The following REEP3 variants were observed in gnomAD, a reference collection of about 807,000 sequenced individuals.
REEP3 encodes the protein receptor accessory protein 3.
A neutral mutation model predicts 41.3 loss-of-function variants in REEP3; 20 were observed. That is an observed-to-expected ratio of 0.48 (90% CI 0.34 to 0.70). REEP3 has a LOEUF of 0.70. Ranked by LOEUF, REEP3 falls within the 30% of genes least tolerant of loss-of-function variation. The probability of loss-of-function intolerance (pLI) is 0.01; values close to 1 mark genes in which losing one functional copy is unlikely to be tolerated. For synonymous variants in REEP3, 104 were observed against 101.8 expected (o/e 1.02, Z -0.13); for missense variants, 271 against 308.8 (o/e 0.88, Z 0.92).
intron 1 of REEP3, among the ~76,000 whole-genome samples, chr10:63,527,595 C>T (rs1299392344): frequency 6.6e-6 from 1 of 151,984 alleles, no homozygotes; most frequent in Non-Finnish European, 1.5e-5. Flanking sequence ...GTGGGAGAAT[C>T]ACTTGAGCCT....
At chr10:63,604,920 G>A (rs1272388230) in intron 5 of REEP3, among the ~76,000 whole-genome samples, 1 of 152,120 alleles carries the variant, frequency 6.6e-6, no homozygotes, top group Non-Finnish European at 1.5e-5. Context: ...TAAAACAGTG[G>A]TTCTCAACTA....
rs71025187 is a variant in REEP3, at chr10:63,533,710, C to CTTTTTTTTTTTTTTTTTTTTTTTTTTTTT, written c.32+12148_32+12149insTTTTTTTTTTTTTTTTTTTTTTTTTTTTT. 1.2e-3 allele frequency among the ~76,000 whole-genome samples: 119 copies of CTTTTTTTTTTTTTTTTTTTTTTTTTTTTT among 101,122 alleles called. 33 individuals are homozygous for CTTTTTTTTTTTTTTTTTTTTTTTTTTTTT. The highest frequency in any genetic ancestry group is 5.7e-3 in the Middle Eastern group (1 of 176). 66.3% of individuals were successfully genotyped at this position (101,122 alleles called of 152,430 possible). On this transcript the variant is annotated intron_variant, in intron 1 of 7. Transcript: ENST00000373758. ...GAAAGAGCCTTGGAAGTATGTAAAT[C>CTTTTTTTTTTTTTTTTTTTTTTTTTTTTT]TTTTTTTTTTTTTTTGAGACGGAGT...
intron 2 of REEP3, among the ~76,000 whole-genome samples, chr10:63,593,036 G>A (rs891344554): frequency 6.6e-6 from 1 of 151,844 alleles, no homozygotes; most frequent in African/African-American, 2.4e-5. Context: ...GGGAGGGGCC[G>A]GGCGCGGTGG....
chr10:63,597,180 C>T (rs957013341), intron 3 of REEP3, among the ~76,000 whole-genome samples: 1 of 152,140 alleles, frequency 6.6e-6, no homozygotes, highest in African/African-American at 2.4e-5. Context: ...CACTGTAACA[C>T]TTTGTATTTT....
chr10:63,609,099 G>A (rs551186844), intron 5 of REEP3, among the ~76,000 whole-genome samples: 1 of 152,292 alleles, frequency 6.6e-6, no homozygotes, highest in African/African-American at 2.4e-5. Flanking sequence ...TCTAGGAAGA[G>A]CCGTTACCAG....
At chr10:63,579,901 A>G (rs1227894085) in intron 2 of REEP3, among the ~76,000 whole-genome samples, 1 of 152,112 alleles carries the variant, frequency 6.6e-6, no homozygotes, top group East Asian at 1.9e-4. Flanking sequence ...TACCACCCTC[A>G]CTGCAGGGAG....
chr10:63,611,794 T>A (rs923667024), intron 6 of REEP3, among the ~76,000 whole-genome samples: 6 of 151,676 alleles, frequency 4.0e-5, no homozygotes, highest in African/African-American at 1.5e-4. Flanking sequence ...AATTTTTTTT[T>A]TTTTTATTAG....
At chr10:63,562,018 G>A (rs1335295443) in intron 1 of REEP3, among the ~76,000 whole-genome samples, 6 of 152,102 alleles carry the variant, frequency 3.9e-5, no homozygotes, top group Admixed American at 6.6e-5. Flanking sequence ...TAGTGTCAGC[G>A]GTGTGGATGA....
chr10:63,609,773 A>C (rs1338072467), intron 5 of REEP3, among the ~76,000 whole-genome samples: 1 of 152,042 alleles, frequency 6.6e-6, no homozygotes, highest in Non-Finnish European at 1.5e-5. Context: ...ATAAATAAAT[A>C]AATAAATATA....
At chr10:63,584,943 T>C (rs998466506) in intron 2 of REEP3, among the ~76,000 whole-genome samples, 2 of 152,234 alleles carry the variant, frequency 1.3e-5, no homozygotes, top group South Asian at 2.1e-4. Flanking sequence ...ATTTACTTAG[T>C]ATGGTTTTAA....
rs1438048675 is a variant in REEP3 at position 63,525,444 on chromosome 10, G to A, written c.32+3867G>A. On this transcript the variant is annotated intron_variant, in intron 1 of 7. Transcript: ENST00000373758. Reference sequence around the variant, plus strand: ...TTACTTTTTTTTTTTTTGAGACGGAGTTTTTCTCTTGGTGTACAGGCTAGA... The same window carrying A: ...TTACTTTTTTTTTTTTTGAGACGGAATTTTTCTCTTGGTGTACAGGCTAGA... 4.0e-5 allele frequency among the ~76,000 whole-genome samples: 6 copies of A among 151,538 alleles called. No individual in the cohort carries two copies. The East Asian group carries it at 1.2e-3, about 29-fold the overall frequency.
chr10:63,559,208 C>G (rs547064123), intron 1 of REEP3, among the ~76,000 whole-genome samples: 1 of 152,202 alleles, frequency 6.6e-6, no homozygotes, highest in South Asian at 2.1e-4. Flanking sequence ...AAGAAAATTT[C>G]AGGGGAAAGT....
intron 2 of REEP3, among the ~76,000 whole-genome samples, chr10:63,589,708 A>T (rs150229709): frequency 2.0e-5 from 3 of 150,006 alleles, no homozygotes; most frequent in Non-Finnish European, 4.5e-5. Flanking sequence ...TCCCTTTAGT[A>T]AGCTTTCCTC....
chr10:63,534,019 A>G (rs1373976188), intron 1 of REEP3, among the ~76,000 whole-genome samples: 1 of 152,024 alleles, frequency 6.6e-6, no homozygotes, highest in African/African-American at 2.4e-5. Flanking sequence ...GGAAGTATGT[A>G]AATCTTAAAG....
intron 1 of REEP3, chr10:63,562,722 AAACT>A (rs1589868007): frequency 2.3e-6 from 1 of 426,196 alleles, no homozygotes; most frequent in African/African-American, 2.0e-5. Context: ...ATTGGTAAAC[AAACT>A]AACTATAAAT....
Position 63,610,288 on chromosome 10 carries a change from A to G in REEP3, c.519A>G (p.Leu173=). 1 of 1,574,278 alleles carries G rather than the reference A, an allele frequency of 6.4e-7. No individual in the cohort carries two copies. Among genetic ancestry groups the G allele is most frequent in the Non-Finnish European group, 8.6e-7 (1 of 1,158,078 alleles). The change falls in exon 6 of 8, where the codon CTA becomes CTG. Residue 173 remains leucine, a synonymous_variant. Coordinates refer to ENST00000373758, the MANE Select transcript of REEP3 (RefSeq NM_001001330.3). ...EPVGQRPYQP[L]PEAKKKSKPA... is the part of the protein sequence containing the mutation. The stretch of plus-strand genomic sequence containing the variant: ...TGGGACAAAGACCATACCAACCTCT[A>G]CCAGAAGCAAAAAAGAAAAGTAAAC...
At chr10:63,589,805 TTTTTTTG>T (rs1320397235) in intron 2 of REEP3, among the ~76,000 whole-genome samples, 1,925 of 141,958 alleles carry the variant, frequency 0.014, 66 homozygotes, top group Non-Finnish European at 0.02. Flanking sequence ...TTTTTTTTTT[TTTTTTTG>T]GAAACGGAGT....
At chr10:63,526,163 A>G (rs1321364397) in intron 1 of REEP3, among the ~76,000 whole-genome samples, 1 of 152,234 alleles carries the variant, frequency 6.6e-6, no homozygotes, top group African/African-American at 2.4e-5. Flanking sequence ...AAAATGTTAT[A>G]CTAGTCTTTA....
At chr10:63,561,573 G>A (rs143782094) in intron 1 of REEP3, among the ~76,000 whole-genome samples, 1 of 152,340 alleles carries the variant, frequency 6.6e-6, no homozygotes, top group African/African-American at 2.4e-5. Context: ...GCCAGCAAGG[G>A]GTGAAGAGGC....
Sources: gnomAD v4.1 joint callset for allele counts (sites outside exome capture counted in the v4.1 genomes callset) on GRCh38, gnomAD v4.1.1 for gene constraint, MANE v1.5 for transcripts, NCBI Gene and HGNC (gene_info 2026-07-23, HGNC 2026-07-21) for gene names.